GRIK2: variants seen among roughly 807,000 people sequenced by gnomAD.
GRIK2 encodes glutamate ionotropic receptor kainate type subunit 2, also known as glutamate receptor ionotropic, kainate 2.
In GRIK2, 32 loss-of-function variants were observed where a neutral mutation model predicts 100.3. That is an observed-to-expected ratio of 0.32 (90% confidence interval 0.24 to 0.43). The LOEUF is 0.43. Ranked by LOEUF, GRIK2 falls within the 20% of genes least tolerant of loss-of-function variation. The pLI is 1.00. For missense variants in GRIK2, 843 were observed against 1,114.9 expected (o/e 0.76, Z 3.47); for synonymous variants, 417 against 389.4 (o/e 1.07, Z -0.83).
chr6:101,995,003 A>G (rs1794574825), intron 14 of GRIK2, among the ~76,000 whole-genome samples: 1 of 151,940 alleles, frequency 6.6e-6, no homozygotes, highest in African/African-American at 2.4e-5. Flanking sequence ...CCTTGTGAAT[A>G]TTGATCACTA....
intron 4 of GRIK2, among the ~76,000 whole-genome samples, chr6:101,664,155 G>A (rs1029286523): frequency 1.3e-5 from 2 of 152,116 alleles, no homozygotes. Context: ...AATTGGGCCT[G>A]CACATATTAC....
At chr6:101,653,853 T>A (rs1259400182) in intron 4 of GRIK2, among the ~76,000 whole-genome samples, 1 of 152,108 alleles carries the variant, frequency 6.6e-6, no homozygotes, top group African/African-American at 2.4e-5. Flanking sequence ...ACACCTGACC[T>A]CAGGTGAACC....
intron 7 of GRIK2, among the ~76,000 whole-genome samples, chr6:101,736,460 C>G (rs1177358880): frequency 1.3e-5 from 2 of 152,184 alleles, no homozygotes; most frequent in African/African-American, 4.8e-5. Context: ...GGCAGAGGTT[C>G]CCAAACCGCA....
At chr6:101,754,462 T>C (rs1776998054) in intron 7 of GRIK2, among the ~76,000 whole-genome samples, 1 of 152,208 alleles carries the variant, frequency 6.6e-6, no homozygotes, top group Non-Finnish European at 1.5e-5. Context: ...CGTAGCTGTC[T>C]GATTTGGGGC....
intron 6 of GRIK2, among the ~76,000 whole-genome samples, chr6:101,683,025 G>A (rs537909652): frequency 2.2e-4 from 34 of 151,922 alleles, no homozygotes; most frequent in Non-Finnish European, 4.6e-4. Context: ...CCAATATGGT[G>A]AAACCCATCT....
intron 2 of GRIK2, among the ~76,000 whole-genome samples, chr6:101,498,838 A>C (rs1440851376): frequency 6.6e-6 from 1 of 152,124 alleles, no homozygotes; most frequent in Non-Finnish European, 1.5e-5. Context: ...CTCTGATGGT[A>C]GTTTCTTTTG....
intron 2 of GRIK2, among the ~76,000 whole-genome samples, chr6:101,568,519 T>C (rs1409324950): frequency 6.6e-6 from 1 of 152,068 alleles, no homozygotes; most frequent in Non-Finnish European, 1.5e-5. Context: ...TACTAAACAA[T>C]GTCCTCTAGC....
rs564533363 is a variant in GRIK2, at chr6:101,718,436, T to C, written c.951+32083T>C. Among the ~76,000 whole-genome samples, 19 of 152,066 alleles carry C rather than the reference T, an allele frequency of 1.2e-4. 1 individual carries two copies. The South Asian group carries it at 3.9e-3, about 31-fold the overall frequency. Reference sequence around the variant, plus strand: ...TCAGACATTCAGATCTTAATTTGTATACAAAAAATCTTTTTACTGTTACTG... The same window carrying C: ...TCAGACATTCAGATCTTAATTTGTACACAAAAAATCTTTTTACTGTTACTG... On this transcript the variant is annotated intron_variant, in intron 7 of 16. Coordinates refer to ENST00000369134, the MANE Select transcript of GRIK2 (RefSeq NM_021956.5).
chr6:101,700,597 G>A (rs919658439), intron 7 of GRIK2, among the ~76,000 whole-genome samples: 1 of 152,070 alleles, frequency 6.6e-6, no homozygotes, highest in African/African-American at 2.4e-5. Flanking sequence ...TGTAGGATGA[G>A]CATTATTTCT....
intron 14 of GRIK2, among the ~76,000 whole-genome samples, chr6:101,967,200 A>G (rs1717976785): frequency 1.3e-5 from 2 of 152,068 alleles, no homozygotes; most frequent in African/African-American, 4.8e-5. Flanking sequence ...TAGACTTTTC[A>G]TGAGGAACCA....
chr6:101,852,268 T>C (rs1021865888), intron 10 of GRIK2, among the ~76,000 whole-genome samples: 5 of 152,148 alleles, frequency 3.3e-5, no homozygotes, highest in Non-Finnish European at 5.9e-5. Context: ...TAATTTACTA[T>C]ACCTACATGC....
At chr6:101,683,070 G>T (rs749462774) in intron 6 of GRIK2, among the ~76,000 whole-genome samples, 1 of 152,008 alleles carries the variant, frequency 6.6e-6, no homozygotes, top group Non-Finnish European at 1.5e-5. Flanking sequence ...GGGCATGGTG[G>T]TGGGTGCCTG....
intron 7 of GRIK2, among the ~76,000 whole-genome samples, chr6:101,713,110 A>G (rs960079411): frequency 1.3e-5 from 2 of 151,790 alleles, no homozygotes; most frequent in African/African-American, 4.8e-5. Flanking sequence ...AAAGCGTAGG[A>G]GGGCAGGCTG....
At chr6:101,960,851 T>C (rs576636743) in intron 14 of GRIK2, among the ~76,000 whole-genome samples, 95 of 152,254 alleles carry the variant, frequency 6.2e-4, no homozygotes, top group Non-Finnish European at 1.0e-3. Context: ...CAGCTGTCTG[T>C]GGTATATACT....
At chr6:101,970,561 C>T (rs1792980865) in intron 14 of GRIK2, among the ~76,000 whole-genome samples, 1 of 151,714 alleles carries the variant, frequency 6.6e-6, no homozygotes, top group Non-Finnish European at 1.5e-5. Context: ...GTGGTAATTT[C>T]CAAGTCATCA....
In GRIK2 at chr6:101,836,558, T is replaced by C. The variant is rs569128052; in HGVS notation, c.1317+18075T>C. On this transcript the variant is annotated intron_variant, in intron 10 of 16. Coordinates refer to ENST00000369134, the MANE Select transcript of GRIK2 (RefSeq NM_021956.5). ...CATCTTTAACTTTTTAAAAATATGGTTATTAGCAGAAGCTACATTATATGT... is the reference window on the plus strand; with the variant it reads ...CATCTTTAACTTTTTAAAAATATGGCTATTAGCAGAAGCTACATTATATGT... Among the ~76,000 whole-genome samples the C allele has an allele frequency of 1.3e-4, 19 of 149,972 alleles. No individual in the cohort carries two copies. The South Asian group carries it at 3.8e-3, about 30-fold the overall frequency.
At chr6:101,546,721 C>G (rs923587715) in intron 2 of GRIK2, among the ~76,000 whole-genome samples, 1 of 150,948 alleles carries the variant, frequency 6.6e-6, no homozygotes, top group African/African-American at 2.4e-5. Flanking sequence ...ATAATATTAT[C>G]TCCTTAATTA....
chr6:101,859,355 T>C lies in GRIK2; in HGVS notation c.1386T>C (p.Tyr462=), dbSNP rs1213273187. Residue 462 remains tyrosine (Y), a synonymous_variant, in exon 11 of 17, where the codon TAT becomes TAC. Coordinates refer to ENST00000369134, the MANE Select transcript of GRIK2 (RefSeq NM_021956.5). ...ATGGTAATGATCGATTTGAAGGCTA[T>C]TGCATTGATCTCCTCAGAGAGTTAT... The part of the protein sequence containing the change: ...PLYGNDRFEG[Y]CIDLLRELST... The C allele has an allele frequency of 1.2e-6, 2 of 1,603,768 alleles. No individual in the cohort carries two copies. Among genetic ancestry groups the C allele is most frequent in the Admixed American group, 1.7e-5 (1 of 60,010 alleles).
intron 15 of GRIK2, among the ~76,000 whole-genome samples, chr6:102,043,867 T>C (rs1355732073): frequency 6.6e-6 from 1 of 152,026 alleles, no homozygotes; most frequent in Non-Finnish European, 1.5e-5. Context: ...CACATCCTGA[T>C]CTGATGGTTT....
Sources: gnomAD v4.1 joint callset for allele counts (sites outside exome capture counted in the v4.1 genomes callset) on GRCh38, gnomAD v4.1.1 for gene constraint, MANE v1.5 for transcripts, NCBI Gene and HGNC (gene_info 2026-07-23, HGNC 2026-07-21) for gene names.